The following NOL9 variants were observed in gnomAD, a reference collection of about 807,000 sequenced individuals.
The protein encoded by NOL9 is nucleolar protein 9.
A neutral mutation model predicts 67.9 loss-of-function variants in NOL9; 28 were observed. That is an observed-to-expected ratio of 0.41 (90% CI 0.31 to 0.57). NOL9 has a LOEUF of 0.57. Ranked by LOEUF, NOL9 falls within the 20% of genes least tolerant of loss-of-function variation. NOL9 has a pLI of 0.25. For missense variants in NOL9, 777 were observed against 897.0 expected, an observed-to-expected ratio of 0.87 and a Z score of 1.71; for synonymous variants, 356 against 352.2, an observed-to-expected ratio of 1.01 and a Z score of -0.12.
chr1:6,533,327 T>C lies in NOL9; in HGVS notation c.1190A>G (p.Tyr397Cys), dbSNP rs1260228116. The change falls in exon 7 of 12, where the codon TAC (tyrosine) becomes TGC (cysteine). Residue 397 changes from tyrosine (Y) to cysteine (C), a missense_variant. Coordinates refer to ENST00000377705, the MANE Select transcript of NOL9 (RefSeq NM_024654.5). ...GACGATGAGAGGGGACTCTCTCTTG[T>C]AAGCGCTGAACACATATTTCACTAT... ...IDIVKYVFSAYKRESPLIVNT... is the reference protein window; with the variant it reads ...IDIVKYVFSACKRESPLIVNT... The C allele has an allele frequency of 1.9e-6, 3 of 1,612,184 alleles. No homozygotes were observed. The African/African-American group carries it at 4.0e-5, about 22-fold the overall frequency.
In NOL9 at chr1:6,540,452, A is replaced by T. The variant is rs188923678; in HGVS notation, c.1075+1378T>A. Among the ~76,000 whole-genome samples the T allele has an allele frequency of 2.2e-3, 341 of 152,118 alleles. 4 individuals carry two copies. The highest frequency in any genetic ancestry group is 2.5e-4 in the Non-Finnish European group (17 of 67,978). ...TTATTCTTTAATGAGTACAGTTTTC[A>T]TTTTGGGATGACAAAAAACCACACC... On this transcript the variant is annotated intron_variant, in intron 6 of 11. Transcript: ENST00000377705.
At position 6,524,623 on chromosome 1, in the gene NOL9, C is replaced by T. The variant is rs564568468; in HGVS notation, c.*1231G>A. Reference sequence around the variant, plus strand: ...CCCAAGAGCTGGTCTGCCAGTCCTTCTTCCTTCAAAACAGCCCAGTCTCCA... The same window carrying T: ...CCCAAGAGCTGGTCTGCCAGTCCTTTTTCCTTCAAAACAGCCCAGTCTCCA... On this transcript the variant is annotated 3_prime_UTR_variant, in exon 12 of 12. Transcript: ENST00000377705. The T allele has an allele frequency of 2.6e-5, 4 of 152,240 alleles. No homozygotes were observed. The highest frequency in any genetic ancestry group is 5.9e-5 in the Non-Finnish European group (4 of 68,060). The allele number at this position is 152,240 out of a possible 1,614,324, so 9.4% of individuals were successfully genotyped here.
chr1:6,528,875 T>A, intron 10 of NOL9, 119 bp downstream of exon 10: 1 of 938,776 alleles, frequency 1.1e-6, no homozygotes, highest in Non-Finnish European at 1.6e-6. Context: ...TATAGATGAG[T>A]GGGGGTTCTC....
chr1:6,534,443 G>A (rs1639102992), intron 6 of NOL9, among the ~76,000 whole-genome samples: 1 of 152,216 alleles, frequency 6.6e-6, no homozygotes, highest in African/African-American at 2.4e-5. Context: ...GACTGTGTGT[G>A]ACAGGGTCAG....
rs2148645872 is a variant in NOL9, at chr1:6,523,790, A to T, written c.*2064T>A. 6.6e-6 allele frequency: 1 copy of T among 152,208 alleles called. No individual in the cohort carries two copies. The highest frequency in any genetic ancestry group is 1.9e-4 in the East Asian group (1 of 5,186). The allele number at this position is 152,208 out of a possible 1,614,324, so 9.4% of individuals were successfully genotyped here. On this transcript the variant is annotated 3_prime_UTR_variant, in exon 12 of 12. Coordinates refer to ENST00000377705, the MANE Select transcript of NOL9 (RefSeq NM_024654.5). ...GCCCCAGTACGGCCACCTGACCCAC[A>T]GCTGATAGCTCCCTCTAGAGGCAAC...
At chr1:6,540,541 TTG>T (rs1324055577) in intron 6 of NOL9, among the ~76,000 whole-genome samples, 1 of 152,116 alleles carries the variant, frequency 6.6e-6, no homozygotes, top group African/African-American at 2.4e-5. Flanking sequence ...AACAAAAAAG[TTG>T]TGGCCAGGCA....
At chr1:6,534,961 A>G (rs994860838) in intron 6 of NOL9, among the ~76,000 whole-genome samples, 4 of 151,892 alleles carry the variant, frequency 2.6e-5, no homozygotes, top group Admixed American at 2.0e-4. Context: ...TCGCCACCAC[A>G]CCTGGCTAAT....
intron 5 of NOL9, among the ~76,000 whole-genome samples, chr1:6,544,622 A>G (rs1639380960): frequency 7.2e-6 from 1 of 138,802 alleles, no homozygotes. Context: ...GTCTGCCTGC[A>G]GGTAAGGCAA....
intron 6 of NOL9, among the ~76,000 whole-genome samples, chr1:6,534,333 G>A (rs1355175587): frequency 2.0e-5 from 3 of 152,166 alleles, no homozygotes; most frequent in South Asian, 2.1e-4. Flanking sequence ...CGGCTCCTGC[G>A]TTCACACTCC....
chr1:6,531,430 G>T (rs538904619), intron 9 of NOL9, among the ~76,000 whole-genome samples: 8 of 152,142 alleles, frequency 5.3e-5, no homozygotes, highest in Admixed American at 2.0e-4. Flanking sequence ...AGCCAGGATG[G>T]TCTCGATCTC....
rs1250195443 is a variant in NOL9 at position 6,526,636 on chromosome 1, T to A, written c.1959+60A>T. ...CCATGACCCCTGACCCTACTTCAGC[T>A]CCTCACTTCTGTGGACCTGAGTAGG... On this transcript the variant is annotated intron_variant, in intron 11 of 11. Transcript: ENST00000377705. 3.3e-6 allele frequency: 5 copies of A among 1,512,734 alleles called. No homozygotes were observed. In the Admixed American group the frequency reaches 1.0e-4, roughly 31 times the overall value. 93.7% of individuals were successfully genotyped at this position (1,512,734 alleles called of 1,614,324 possible).
chr1:6,553,039 T>C (rs1458039487), intron 1 of NOL9, among the ~76,000 whole-genome samples: 1 of 152,238 alleles, frequency 6.6e-6, no homozygotes, highest in African/African-American at 2.4e-5. Flanking sequence ...CTCAAACTCC[T>C]GACCTCAGAT....
At chr1:6,529,249 G>C in intron 9 of NOL9, 78 bp from the exon 10 acceptor site, 1 of 1,326,618 alleles carries the variant, frequency 7.5e-7, no homozygotes, top group Non-Finnish European at 1.1e-6. Flanking sequence ...AGATTAACCA[G>C]CTATCTAAAG....
In NOL9 at chr1:6,554,503, G is replaced by C; in HGVS notation, c.-1C>G. 6.5e-7 allele frequency: 1 copy of C among 1,534,496 alleles called. No individual in the cohort carries two copies. The highest frequency in any genetic ancestry group is 8.7e-7 in the Non-Finnish European group (1 of 1,154,816). On this transcript the variant is annotated 5_prime_UTR_variant, in exon 1 of 12. Transcript: ENST00000377705. ...TTAGCAGCAGTCCCGAGTCCGCCAT[G>C]CTGGGTCCTCAGGGCCTACCGCGCG...
At chr1:6,549,736 C>T (rs1639501433) in intron 2 of NOL9, 38 bp from the exon 3 acceptor site, 4 of 1,610,366 alleles carry the variant, frequency 2.5e-6, no homozygotes, top group Middle Eastern at 1.6e-4. Flanking sequence ...GAAGCAGTAA[C>T]TTCATTACAT....
At chr1:6,544,544 C>CGCACG (rs61278197) in intron 5 of NOL9, among the ~76,000 whole-genome samples, 1 of 118,706 alleles carries the variant, frequency 8.4e-6, no homozygotes, top group Non-Finnish European at 1.6e-5. Flanking sequence ...CACACACGCA[C>CGCACG]CCCCCCCCCG....
chr1:6,533,511 G>A, intron 6 of NOL9, 70 bp from the exon 7 acceptor site: 1 of 1,217,650 alleles, frequency 8.2e-7, no homozygotes, highest in Non-Finnish European at 1.1e-6. Flanking sequence ...AAAAGGTGGT[G>A]AGGGTTTTGT....
chr1:6,527,195 C>T (rs1418652460), intron 10 of NOL9, among the ~76,000 whole-genome samples: 1 of 150,010 alleles, frequency 6.7e-6, no homozygotes, highest in Admixed American at 6.7e-5. Flanking sequence ...TGCAGTGAGC[C>T]GAGATGGCGC....
intron 5 of NOL9, among the ~76,000 whole-genome samples, chr1:6,543,564 G>C (rs530259834): frequency 6.6e-6 from 1 of 152,128 alleles, no homozygotes; most frequent in Non-Finnish European, 1.5e-5. Context: ...GCAATGGTGT[G>C]ACATAGCTCA....
Sources: allele counts gnomAD v4.1 joint callset (sites outside exome capture counted in the v4.1 genomes callset), GRCh38; gene constraint gnomAD v4.1.1; transcripts MANE v1.5; gene names NCBI Gene and HGNC (gene_info 2026-07-23, HGNC 2026-07-21).